Variants in RAB6A observed in about 807,000 individuals in gnomAD.
RAB6A encodes ras-related protein Rab-6A.
In RAB6A, 8 loss-of-function variants were observed where a neutral mutation model predicts 32.3. The ratio of observed to expected loss-of-function variants is 0.25; its 90% CI spans 0.15 to 0.45. The LOEUF is 0.45. Among genes scored for constraint, RAB6A ranks in the 20% least tolerant of loss-of-function variants. The pLI, the probability that RAB6A is intolerant of heterozygous loss-of-function variation, is 1.00. For synonymous variants in RAB6A, 73 were observed against 82.1 expected (o/e 0.89, Z 0.60); for missense variants, 104 against 249.4 (o/e 0.42, Z 3.93).
chr11:73,717,075 G>A (rs1242535138), intron 4 of RAB6A, among the ~76,000 whole-genome samples: 1 of 152,144 alleles, frequency 6.6e-6, no homozygotes, highest in South Asian at 2.1e-4. Flanking sequence ...GCTACAAAAC[G>A]TGTCAATGCA....
chr11:73,709,924 C>CAT (rs1296787135), intron 5 of RAB6A, among the ~76,000 whole-genome samples: 2 of 139,010 alleles, frequency 1.4e-5, no homozygotes, highest in African/African-American at 2.7e-5. Context: ...TATATATACA[C>CAT]ATATATATAC....
intron 6 of RAB6A, among the ~76,000 whole-genome samples, chr11:73,684,272 G>A (rs7927322): frequency 0.06 from 9,108 of 150,966 alleles, 378 homozygotes; most frequent in East Asian, 0.17. Flanking sequence ...AGGTTCAAGC[G>A]ATTCTCCTGC....
chr11:73,713,171 C>T (rs1945992239), intron 5 of RAB6A, among the ~76,000 whole-genome samples: 2 of 152,204 alleles, frequency 1.3e-5, no homozygotes, highest in South Asian at 4.1e-4. Context: ...TTAATAACCT[C>T]CAAACTTCTA....
chr11:73,707,311 T>C (rs374042918), intron 6 of RAB6A, 109 bp downstream of exon 6: 1 of 715,326 alleles, frequency 1.4e-6, no homozygotes. Context: ...ATACTGCTAG[T>C]TTGTAAGGCC....
chr11:73,704,157 G>T (rs913603203), intron 6 of RAB6A: 1 of 405,426 alleles, frequency 2.5e-6, no homozygotes, highest in Non-Finnish European at 5.0e-6. Context: ...CAAGTTGGGA[G>T]GATCACCTGA....
rs1945276672 is a variant in RAB6A at position 73,676,889 on chromosome 11, C to G, written c.*1009G>C. Reference sequence around the variant, plus strand: ...GTAGCGCCAAATTTAAATTCTTCCACTGGTTCTTCTGGAAGGAATTAAAAC... The same window carrying G: ...GTAGCGCCAAATTTAAATTCTTCCAGTGGTTCTTCTGGAAGGAATTAAAAC... On this transcript the variant is annotated 3_prime_UTR_variant, in exon 8 of 8. Transcript: ENST00000336083. 6.0e-6 allele frequency: 1 copy of G among 166,934 alleles called. No individual in the cohort carries two copies. The allele number at this position is 166,934 out of a possible 1,614,324, so 10.3% of individuals were successfully genotyped here. A position where few individuals can be genotyped will look rare whatever the true frequency, so the allele number is the denominator to read the frequency against.
intron 1 of RAB6A, among the ~76,000 whole-genome samples, chr11:73,731,475 T>C (rs1441440361): frequency 1.6e-5 from 2 of 126,938 alleles, no homozygotes; most frequent in South Asian, 2.5e-4. Context: ...ACCTAGGAGA[T>C]GGAGGTTGCA....
chr11:73,716,315 T>C lies in RAB6A; in HGVS notation c.337A>G (p.Thr113Ala). The change falls in exon 5 of 8, where the codon ACA becomes GCA. Residue 113 changes from threonine (T) to alanine (A), a missense_variant. Thr to Ala is a moderately conservative substitution (Grantham distance 58). This residue lies in a region of RAB6A where 48 missense variants were observed against 155.2 expected (regional missense o/e 0.31). Transcript: ENST00000336083. ...QTTKWIDDVR[T>A]ERGSDVIIML... ...ATGATAACATCACTTCCTCTTTCTG[T>C]TCTGACATCATCAATCCACTTTGTA... The C allele has an allele frequency of 6.2e-7, 1 of 1,613,658 alleles. No individual in the cohort carries two copies. The highest frequency in any genetic ancestry group is 2.2e-5 in the East Asian group (1 of 44,868).
chr11:73,746,429 G>C (rs575019166), intron 1 of RAB6A, among the ~76,000 whole-genome samples: 1 of 152,006 alleles, frequency 6.6e-6, no homozygotes, highest in African/African-American at 2.4e-5. Flanking sequence ...AGAAACACTT[G>C]AGCCCAGGGG....
At chr11:73,740,591 A>C (rs1325233462) in intron 1 of RAB6A, among the ~76,000 whole-genome samples, 2 of 151,642 alleles carry the variant, frequency 1.3e-5, no homozygotes, top group Non-Finnish European at 2.9e-5. Flanking sequence ...TTAATTTAAA[A>C]AAAAAAAAAC....
In RAB6A at chr11:73,707,453, T is replaced by A. The variant is rs748993275; in HGVS notation, c.462A>T (p.Glu154Asp). Residue 154 changes from glutamate (E) to aspartate (D), a missense_variant, in exon 6 of 8, where the codon GAA becomes GAT. Glu to Asp is a conservative substitution (Grantham distance 45). Transcript: ENST00000336083. ...KAKELNVMFI[E>D]TSAKAGYNVK... ...CATTGTATCCAGCTTTTGCACTAGT[T>A]TCAATAAACATAACATTCAGCTCTT... The A allele has an allele frequency of 6.2e-7, 1 of 1,613,672 alleles. No individual in the cohort carries two copies.
At chr11:73,732,046 A>C (rs957754994) in intron 1 of RAB6A, among the ~76,000 whole-genome samples, 6 of 151,692 alleles carry the variant, frequency 4.0e-5, no homozygotes, top group African/African-American at 1.5e-4. Flanking sequence ...GACTGTATTG[A>C]TATTTTTAGG....
intron 5 of RAB6A, among the ~76,000 whole-genome samples, chr11:73,709,368 A>G (rs985912033): frequency 1.3e-5 from 2 of 151,530 alleles, no homozygotes; most frequent in South Asian, 4.2e-4. Flanking sequence ...AGGGAGAGGA[A>G]AGGAGGATAA....
chr11:73,747,145 A>C (rs1194383422), intron 1 of RAB6A, among the ~76,000 whole-genome samples: 1 of 152,018 alleles, frequency 6.6e-6, no homozygotes, highest in Non-Finnish European at 1.5e-5. Context: ...TAGAAAAGCT[A>C]TAAAAATAGT....
chr11:73,723,311 CTTATTTTATT>C (rs371118109), intron 2 of RAB6A, among the ~76,000 whole-genome samples: 11 of 151,540 alleles, frequency 7.3e-5, no homozygotes, highest in African/African-American at 2.7e-4. Context: ...ATTTATTTTA[CTTATTTTATT>C]TTATTTTATT....
chr11:73,705,549 A>G (rs1408351756), intron 6 of RAB6A, among the ~76,000 whole-genome samples: 1 of 152,168 alleles, frequency 6.6e-6, no homozygotes. Context: ...CCTGTCTCAA[A>G]TAAAAAAATA....
At chr11:73,705,699 G>A (rs1478882144) in intron 6 of RAB6A, among the ~76,000 whole-genome samples, 1 of 151,328 alleles carries the variant, frequency 6.6e-6, no homozygotes. Flanking sequence ...TGGCTCCTAT[G>A]GGTTCAGTTA....
intron 6 of RAB6A, among the ~76,000 whole-genome samples, chr11:73,699,364 C>T (rs891681503): frequency 1.3e-5 from 2 of 152,142 alleles, no homozygotes; most frequent in Non-Finnish European, 2.9e-5. Context: ...GGTCAAGTGA[C>T]GGTCCCATCT....
chr11:73,684,870 G>A (rs1042025257), intron 6 of RAB6A, among the ~76,000 whole-genome samples: 1 of 152,140 alleles, frequency 6.6e-6, no homozygotes, highest in African/African-American at 2.4e-5. Flanking sequence ...ATTACGATAA[G>A]GATATATACA....
Sources: gnomAD v4.1 joint callset for allele counts (sites outside exome capture counted in the v4.1 genomes callset) on GRCh38, gnomAD v4.1.1 for gene constraint, gnomAD v4.1.1 regional missense constraint, MANE v1.5 for transcripts, NCBI Gene and HGNC (gene_info 2026-07-23, HGNC 2026-07-21) for gene names.